MECOM: variants seen among roughly 807,000 people sequenced by gnomAD.
MECOM encodes MDS1 and EVI1 complex locus, also known as histone-lysine N-methyltransferase MECOM.
In MECOM, 13 loss-of-function variants were observed where a neutral mutation model predicts 116.3. The observed-to-expected ratio is 0.11, with a 90% CI of 0.07 to 0.18. The LOEUF is 0.18. Among genes scored for constraint, MECOM ranks in the 10% least tolerant of loss-of-function variants. MECOM has a pLI of 1.00. For synonymous variants in MECOM, 528 were observed against 535.2 expected, an observed-to-expected ratio of 0.99 and a Z score of 0.19; for missense variants, 1,299 against 1,509.0, an observed-to-expected ratio of 0.86 and a Z score of 2.31.
At chr3:169,651,631 G>C (rs538382778) in intron 1 of MECOM, among the ~76,000 whole-genome samples, 2 of 152,214 alleles carry the variant, frequency 1.3e-5, no homozygotes, top group East Asian at 1.9e-4. Context: ...AATGGACTTG[G>C]GGGGAAGGGT....
chr3:169,592,203 A>C (rs1229982587), intron 1 of MECOM, among the ~76,000 whole-genome samples: 1 of 152,192 alleles, frequency 6.6e-6, no homozygotes, highest in Non-Finnish European at 1.5e-5. Flanking sequence ...ACAAAACACT[A>C]GATTAAAAAT....
chr3:169,092,712 CA>C (rs550644806), intron 14 of MECOM, among the ~76,000 whole-genome samples: 171 of 152,196 alleles, frequency 1.1e-3, no homozygotes, highest in African/African-American at 3.9e-3. Flanking sequence ...GTTTAAGCTT[CA>C]ATGTCTCCAT....
intron 1 of MECOM, among the ~76,000 whole-genome samples, chr3:169,395,649 A>T (rs1734912413): frequency 6.6e-6 from 1 of 152,004 alleles, no homozygotes; most frequent in African/African-American, 2.4e-5. Context: ...AATAAAAAAC[A>T]AACAAAAAGT....
chr3:169,412,553 T>C (rs1737735231), intron 1 of MECOM, among the ~76,000 whole-genome samples: 1 of 151,864 alleles, frequency 6.6e-6, no homozygotes, highest in East Asian at 1.9e-4. Context: ...AGAAGGATTT[T>C]CCCCCTACAG....
At chr3:169,282,836 T>C (rs1350806309) in intron 2 of MECOM, among the ~76,000 whole-genome samples, 2 of 151,832 alleles carry the variant, frequency 1.3e-5, no homozygotes, top group Admixed American at 6.6e-5. Flanking sequence ...ATAATATGTA[T>C]ATTGATAAAT....
At chr3:169,390,162 G>A (rs1258094403) in intron 1 of MECOM, among the ~76,000 whole-genome samples, 1 of 152,130 alleles carries the variant, frequency 6.6e-6, no homozygotes, top group Non-Finnish European at 1.5e-5. Context: ...AAATAAGCAT[G>A]TTGGACAAGT....
chr3:169,433,557 AGAGGAAGGAAGGAAGGAAGGAAAAAAGG>A (rs1458545808), intron 1 of MECOM, among the ~76,000 whole-genome samples: 2 of 146,674 alleles, frequency 1.4e-5, no homozygotes, highest in Non-Finnish European at 3.0e-5. Flanking sequence ...AAAGAAAGAA[AGAGGAAGGAAGGAAGGAAGGAAAAAAGG>A]AAGGAAGGGA....
intron 1 of MECOM, among the ~76,000 whole-genome samples, chr3:169,531,052 T>G (rs1758564927): frequency 1.3e-5 from 2 of 152,132 alleles, no homozygotes; most frequent in South Asian, 4.2e-4. Flanking sequence ...TTTGCCTATT[T>G]TCTAGTGTGG....
intron 2 of MECOM, among the ~76,000 whole-genome samples, chr3:169,266,800 T>C (rs1758364049): frequency 6.6e-6 from 1 of 152,140 alleles, no homozygotes; most frequent in African/African-American, 2.4e-5. Context: ...AAGTTGCCTA[T>C]TCAATATCAA....
intron 2 of MECOM, among the ~76,000 whole-genome samples, chr3:169,324,100 A>G (rs1187485446): frequency 6.6e-6 from 1 of 152,166 alleles, no homozygotes; most frequent in Non-Finnish European, 1.5e-5. Context: ...TACAAGAAGG[A>G]TTTTATTTCA....
At chr3:169,480,058 C>T (rs1219236520) in intron 1 of MECOM, among the ~76,000 whole-genome samples, 6 of 152,114 alleles carry the variant, frequency 3.9e-5, no homozygotes, top group Middle Eastern at 3.2e-3. Context: ...TACATTGATT[C>T]GCCTTTTGGT....
At chr3:169,181,586 A>C (rs1577272640) in intron 2 of MECOM, among the ~76,000 whole-genome samples, 1 of 152,292 alleles carries the variant, frequency 6.6e-6, no homozygotes, top group Admixed American at 6.5e-5. Flanking sequence ...TATGCCTCAA[A>C]CTTTAAATGA....
chr3:169,322,502 C>G (rs1245062860), intron 2 of MECOM, among the ~76,000 whole-genome samples: 1 of 152,126 alleles, frequency 6.6e-6, no homozygotes, highest in Non-Finnish European at 1.5e-5. Context: ...CACATGAAAA[C>G]TTTTTTCCCA....
At chr3:169,116,770 G>A in intron 7 of MECOM, 31 bp from the exon 8 acceptor site, 2 of 1,541,240 alleles carry the variant, frequency 1.3e-6, no homozygotes, top group Non-Finnish European at 8.7e-7. Context: ...AGAATCTCAG[G>A]CTTTATGTCA....
chr3:169,552,150 A>G, intron 1 of MECOM, among the ~76,000 whole-genome samples: 1 of 150,448 alleles, frequency 6.6e-6, no homozygotes. Context: ...AAAAACCATG[A>G]AATTGTATAC....
chr3:169,275,535 C>T (rs1232885771), intron 2 of MECOM, among the ~76,000 whole-genome samples: 1 of 152,116 alleles, frequency 6.6e-6, no homozygotes, highest in Non-Finnish European at 1.5e-5. Context: ...AACATTGTTA[C>T]CCTGCTAAAT....
intron 2 of MECOM, among the ~76,000 whole-genome samples, chr3:169,196,659 C>G (rs1302839135): frequency 2.0e-5 from 3 of 151,880 alleles, no homozygotes; most frequent in Non-Finnish European, 4.4e-5. Context: ...AAAGTCAAAA[C>G]ATAAAAGATG....
At chr3:169,645,326 C>T (rs1380522613) in intron 1 of MECOM, among the ~76,000 whole-genome samples, 39 of 152,152 alleles carry the variant, frequency 2.6e-4, no homozygotes, top group Admixed American at 2.6e-3. Context: ...TCCCTGCACA[C>T]CTTCTGTAGA....
intron 1 of MECOM, among the ~76,000 whole-genome samples, chr3:169,630,082 C>T (rs993741767): frequency 9.2e-5 from 14 of 152,184 alleles, no homozygotes; most frequent in Admixed American, 5.2e-4. Context: ...TTGTGACGCT[C>T]TCCACACAAT....
Sources: gnomAD v4.1 joint callset for allele counts (sites outside exome capture counted in the v4.1 genomes callset) on GRCh38, gnomAD v4.1.1 for gene constraint, MANE v1.5 for transcripts, NCBI Gene and HGNC (gene_info 2026-07-23, HGNC 2026-07-21) for gene names.